Variants in RBFOX1 observed in about 807,000 individuals in gnomAD.
RBFOX1 encodes the protein RNA binding protein fox-1 homolog 1.
In RBFOX1, 8 loss-of-function variants were observed where a neutral mutation model predicts 57.7. The ratio of observed to expected loss-of-function variants is 0.14; its 90% CI spans 0.08 to 0.25. The LOEUF (loss-of-function observed/expected upper bound fraction) is 0.25, where lower values mean the gene tolerates loss of function less well. Among genes scored for constraint, RBFOX1 ranks in the 10% least tolerant of loss-of-function variants. RBFOX1 has a pLI of 1.00. For synonymous variants in RBFOX1, 326 were observed against 222.4 expected (o/e 1.47, Z -4.15); for missense variants, 611 against 548.5 (o/e 1.11, Z -1.14).
At chr16:6,982,455 G>C (rs1028984205) in intron 3 of RBFOX1, among the ~76,000 whole-genome samples, 3 of 152,066 alleles carry the variant, frequency 2.0e-5, no homozygotes, top group African/African-American at 7.2e-5. Context: ...TCATTGCAGC[G>C]AGCTCCTTCT....
intron 3 of RBFOX1, among the ~76,000 whole-genome samples, chr16:6,751,501 C>T (rs2074927928): frequency 1.3e-5 from 2 of 152,160 alleles, no homozygotes; most frequent in Non-Finnish European, 2.9e-5. Context: ...CAACTCTTTG[C>T]CTCACTTGTA....
intron 4 of RBFOX1, among the ~76,000 whole-genome samples, chr16:7,098,168 T>C (rs1439992701): frequency 6.6e-6 from 1 of 151,976 alleles, no homozygotes; most frequent in African/African-American, 2.4e-5. Context: ...AAAAGTTTTT[T>C]ATTTTTATTT....
intron 1 of RBFOX1, among the ~76,000 whole-genome samples, chr16:6,159,699 C>T (rs2096863823): frequency 6.6e-6 from 1 of 152,150 alleles, no homozygotes; most frequent in Admixed American, 6.5e-5. Flanking sequence ...AGTGAATGTG[C>T]TCTTAACCTC....
chr16:5,912,468 C>G (rs980740135), intron 4 of RBFOX1, among the ~76,000 whole-genome samples: 1 of 152,122 alleles, frequency 6.6e-6, no homozygotes, highest in Non-Finnish European at 1.5e-5. Flanking sequence ...CTGGCATCTC[C>G]CAGCTCCTCT....
intron 2 of RBFOX1, among the ~76,000 whole-genome samples, chr16:6,327,218 A>T (rs554354119): frequency 6.6e-6 from 1 of 151,932 alleles, no homozygotes; most frequent in Non-Finnish European, 1.5e-5. Flanking sequence ...CTGCTTAAGC[A>T]TTGTTTTTTA....
chr16:6,334,911 T>C (rs2083448139), intron 2 of RBFOX1, among the ~76,000 whole-genome samples: 1 of 152,168 alleles, frequency 6.6e-6, no homozygotes. Context: ...CTGGATCTAC[T>C]TGGGTTGGTG....
intron 1 of RBFOX1, among the ~76,000 whole-genome samples, chr16:5,265,234 C>A (rs1389192813): frequency 1.3e-5 from 2 of 152,164 alleles, no homozygotes; most frequent in East Asian, 3.8e-4. Context: ...TTAGCCAAGA[C>A]TTGGACTATT....
chr16:5,781,665 A>G (rs777317772), intron 3 of RBFOX1, among the ~76,000 whole-genome samples: 58 of 152,250 alleles, frequency 3.8e-4, no homozygotes, highest in Non-Finnish European at 5.0e-4. Context: ...GTGTGCCAAT[A>G]AAACTTTATT....
intron 14 of RBFOX1, among the ~76,000 whole-genome samples, chr16:7,703,123 G>A (rs1024328163): frequency 1.3e-5 from 2 of 152,192 alleles, no homozygotes; most frequent in Admixed American, 6.5e-5. Flanking sequence ...CACAGTTGGT[G>A]CCCTGTTGCT....
chr16:7,449,720 G>T (rs1357029589), intron 4 of RBFOX1, among the ~76,000 whole-genome samples: 1 of 96,676 alleles, frequency 1.0e-5, no homozygotes, highest in Admixed American at 1.1e-4. Context: ...ATGTATGTGT[G>T]TGTGTGTGTG....
intron 6 of RBFOX1, among the ~76,000 whole-genome samples, chr16:7,583,450 A>G (rs979791559): frequency 6.6e-6 from 1 of 152,194 alleles, no homozygotes; most frequent in Non-Finnish European, 1.5e-5. Context: ...TAACAAATTA[A>G]TTGCGATATA....
At chr16:7,556,624 T>C (rs1172500753) in intron 5 of RBFOX1, among the ~76,000 whole-genome samples, 1 of 152,178 alleles carries the variant, frequency 6.6e-6, no homozygotes, top group East Asian at 1.9e-4. Context: ...CTTCATGACA[T>C]TAGTGGAAAG....
At chr16:7,005,581 A>G (rs9932054) in intron 3 of RBFOX1, among the ~76,000 whole-genome samples, 67,733 of 152,142 alleles carry the variant, frequency 0.45, 17,849 homozygotes, top group South Asian at 0.62. Context: ...GAAAGATCCT[A>G]TTAGTGATGG....
chr16:5,481,891 T>A (rs945793487), intron 2 of RBFOX1, among the ~76,000 whole-genome samples: 1 of 152,194 alleles, frequency 6.6e-6, no homozygotes, highest in African/African-American at 2.4e-5. Flanking sequence ...GCCAGTAGGA[T>A]GGGATAAGGG....
chr16:7,464,418 C>A (rs2060121803), intron 4 of RBFOX1, among the ~76,000 whole-genome samples: 1 of 151,996 alleles, frequency 6.6e-6, no homozygotes, highest in African/African-American at 2.4e-5. Flanking sequence ...ACATCGGCCA[C>A]TGGAGGATGG....
At chr16:7,375,651 C>T (rs1025071385) in intron 4 of RBFOX1, among the ~76,000 whole-genome samples, 1 of 152,038 alleles carries the variant, frequency 6.6e-6, no homozygotes, top group African/African-American at 2.4e-5. Context: ...AACTGAAAGT[C>T]ATTCTGTGTG....
chr16:5,891,646 C>G (rs772103798), intron 4 of RBFOX1, among the ~76,000 whole-genome samples: 1 of 152,128 alleles, frequency 6.6e-6, no homozygotes, highest in Non-Finnish European at 1.5e-5. Context: ...CCGAGGGAAT[C>G]TCTGGGTCCT....
At chr16:6,923,865 CA>C (rs1567900884) in intron 3 of RBFOX1, among the ~76,000 whole-genome samples, 1 of 152,062 alleles carries the variant, frequency 6.6e-6, no homozygotes, top group Non-Finnish European at 1.5e-5. Flanking sequence ...GTCCATGCTG[CA>C]TTGCTATAAA....
intron 4 of RBFOX1, among the ~76,000 whole-genome samples, chr16:5,879,860 G>A (rs1263487327): frequency 6.6e-6 from 1 of 152,190 alleles, no homozygotes; most frequent in African/African-American, 2.4e-5. Flanking sequence ...GGCAGGGGAA[G>A]AAAGGAAACG....
Sources: gnomAD v4.1 joint callset for allele counts (sites outside exome capture counted in the v4.1 genomes callset) on GRCh38, gnomAD v4.1.1 for gene constraint, MANE v1.5 for transcripts, NCBI Gene and HGNC (gene_info 2026-07-23, HGNC 2026-07-21) for gene names.